PIRT: variants seen among roughly 807,000 people sequenced by gnomAD.
PIRT encodes the protein phosphoinositide interacting regulator of transient receptor potential channels.
Under a neutral mutation model 7.9 loss-of-function variants are expected in PIRT, and 6 were observed. The ratio of observed to expected loss-of-function variants is 0.76; its 90% confidence interval spans 0.42 to 1.51. PIRT has a LOEUF of 1.51. PIRT is among the 40% of genes most tolerant of loss of function. PIRT has a pLI of 0.01. For synonymous variants in PIRT, 78 were observed against 71.8 expected (o/e 1.09, Z -0.44); for missense variants, 170 against 172.9 (o/e 0.98, Z 0.09).
In PIRT at chr17:10,823,439, C is replaced by A. The variant is rs1476538814; in HGVS notation, c.*1793G>T. On this transcript the variant is annotated 3_prime_UTR_variant, in exon 2 of 2. Transcript: ENST00000580256. Reference sequence around the variant, plus strand: ...AAGTGCTTTCCTCCATGGATTTTCTCACAATGCAGAAGGAACAAGGATGGA... The same window carrying A: ...AAGTGCTTTCCTCCATGGATTTTCTAACAATGCAGAAGGAACAAGGATGGA... 1 of 152,272 alleles carries A rather than the reference C, an allele frequency of 6.6e-6. No individual in the cohort carries two copies. Among genetic ancestry groups the A allele is most frequent in the Non-Finnish European group, 1.5e-5 (1 of 68,078 alleles). The allele number at this position is 152,272 out of a possible 1,614,324, so 9.4% of individuals were successfully genotyped here. A position where few individuals can be genotyped will look rare whatever the true frequency, so the allele number is the denominator to read the frequency against.
chr17:10,831,218 T>A lies in PIRT; in HGVS notation c.-138-5435A>T, dbSNP rs931423298. 1.2e-4 allele frequency among the ~76,000 whole-genome samples: 18 copies of A among 152,284 alleles called. 1 individual carries two copies. Among genetic ancestry groups the A allele is most frequent in the Admixed American group, 8.5e-4 (13 of 15,294 alleles). Reference sequence around the variant, plus strand: ...GGGCTGGTCCAGTGAGAACCACCCTTTTCCGCTTCAATTAAGTTACTGGTA... The same window carrying A: ...GGGCTGGTCCAGTGAGAACCACCCTATTCCGCTTCAATTAAGTTACTGGTA... On this transcript the variant is annotated intron_variant, in intron 1 of 1. Coordinates refer to ENST00000580256, the MANE Select transcript of PIRT (RefSeq NM_001101387.2).
intron 1 of PIRT, among the ~76,000 whole-genome samples, chr17:10,834,474 T>G (rs1274039086): frequency 6.6e-6 from 1 of 152,200 alleles, no homozygotes; most frequent in East Asian, 1.9e-4. Context: ...AGGAACCAAC[T>G]GGAATATACA....
intron 1 of PIRT, among the ~76,000 whole-genome samples, chr17:10,829,630 C>T (rs773336346): frequency 2.0e-5 from 3 of 152,144 alleles, no homozygotes; most frequent in Non-Finnish European, 4.4e-5. Flanking sequence ...CCAAAGGTTC[C>T]TCAACTACAA....
At chr17:10,829,961 G>GTCTGTCTA (rs1323888905) in intron 1 of PIRT, among the ~76,000 whole-genome samples, 2 of 140,352 alleles carry the variant, frequency 1.4e-5, no homozygotes, top group African/African-American at 2.7e-5. Flanking sequence ...GTAGATGTCT[G>GTCTGTCTA]TCTGTCTATC....
chr17:10,824,185 C>T lies in PIRT; in HGVS notation c.*1047G>A, dbSNP rs1241986416. 1 of 152,216 alleles carries T rather than the reference C, an allele frequency of 6.6e-6. No homozygotes were observed. Among genetic ancestry groups the T allele is most frequent in the Non-Finnish European group, 1.5e-5 (1 of 68,044 alleles). 9.4% of individuals were successfully genotyped at this position (152,216 alleles called of 1,614,324 possible). A position where few individuals can be genotyped will look rare whatever the true frequency, so the allele number is the denominator to read the frequency against. ...AGCAAGAAGACATCAGGGACCGTGTCTTGCCCCCAGCCAGGGCTTATCCCA... is the reference window on the plus strand; with the variant it reads ...AGCAAGAAGACATCAGGGACCGTGTTTTGCCCCCAGCCAGGGCTTATCCCA... On this transcript the variant is annotated 3_prime_UTR_variant, in exon 2 of 2. Transcript: ENST00000580256.
At chr17:10,836,331 C>T (rs559773223) in intron 1 of PIRT, among the ~76,000 whole-genome samples, 2 of 152,294 alleles carry the variant, frequency 1.3e-5, no homozygotes, top group South Asian at 2.1e-4. Flanking sequence ...ACTCACTCCC[C>T]AGCCTTTTCC....
intron 1 of PIRT, among the ~76,000 whole-genome samples, chr17:10,827,562 C>T (rs946334244): frequency 6.8e-6 from 1 of 146,470 alleles, no homozygotes; most frequent in African/African-American, 2.6e-5. Context: ...GCAACCTCCG[C>T]CTCCCAGGTT....
rs1319945032 is a variant in PIRT at position 10,825,601 on chromosome 17, C to G, written c.45G>C (p.Lys15Asn). ...GCAGCAGGTCCTTGGCTTCTGGAGA[C>G]TTCTCATCGACCTCTAGAACCTTGG... Reference protein sequence around the residue: ...TLPKVLEVDEKSPEAKDLLPS... With the variant: ...TLPKVLEVDENSPEAKDLLPS... The change falls in exon 2 of 2, where the codon AAG (lysine) becomes AAC (asparagine). Residue 15 changes from lysine to asparagine, a missense_variant. Lys to Asn is a moderately conservative substitution (Grantham distance 94). Transcript: ENST00000580256. 5.8e-6 allele frequency: 9 copies of G among 1,547,072 alleles called. No individual in the cohort carries two copies. Among genetic ancestry groups the G allele is most frequent in the Non-Finnish European group, 7.9e-6 (9 of 1,145,504 alleles).
chr17:10,827,272 C>T (rs573797934), intron 1 of PIRT, among the ~76,000 whole-genome samples: 12 of 152,274 alleles, frequency 7.9e-5, no homozygotes, highest in African/African-American at 2.4e-4. Context: ...ATCTGCATAG[C>T]TCTCAGCCAC....
chr17:10,825,968 T>G (rs1905304386), intron 1 of PIRT, among the ~76,000 whole-genome samples, 185 bp from the exon 2 acceptor site: 1 of 151,970 alleles, frequency 6.6e-6, no homozygotes, highest in East Asian at 1.9e-4. Context: ...GTTTGTTTGC[T>G]TGTTTTTTTT....
chr17:10,824,875 G>A lies in PIRT; in HGVS notation c.*357C>T, dbSNP rs1399957283. 4.1e-6 allele frequency: 1 copy of A among 245,912 alleles called. No homozygotes were observed. Among genetic ancestry groups the A allele is most frequent in the Non-Finnish European group, 7.9e-6 (1 of 126,952 alleles). The allele number at this position is 245,912 out of a possible 1,614,324, so 15.2% of individuals were successfully genotyped here. A position where few individuals can be genotyped will look rare whatever the true frequency, so the allele number is the denominator to read the frequency against. On this transcript the variant is annotated 3_prime_UTR_variant, in exon 2 of 2. Coordinates refer to ENST00000580256, the MANE Select transcript of PIRT (RefSeq NM_001101387.2). ...CTCTGGCACTCAGATATGTAAACAT[G>A]AGGTTCTCCCTTGGGCATAGCCCAC...
At position 10,824,904 on chromosome 17, in the gene PIRT, C is replaced by T. The variant is rs752716380; in HGVS notation, c.*328G>A. On this transcript the variant is annotated 3_prime_UTR_variant, in exon 2 of 2. Coordinates refer to ENST00000580256, the MANE Select transcript of PIRT (RefSeq NM_001101387.2). ...TTCTCCCTTGGGCATAGCCCACCTT[C>T]GAAGAATTTCCCAGCATGCATTGCA... 1.6e-5 allele frequency: 5 copies of T among 311,394 alleles called. No individual in the cohort carries two copies. Among genetic ancestry groups the T allele is most frequent in the African/African-American group, 2.1e-5 (1 of 47,618 alleles). The allele number at this position is 311,394 out of a possible 1,614,324, so 19.3% of individuals were successfully genotyped here.
rs1420221025 is a variant in PIRT at position 10,825,318 on chromosome 17, A to C, written c.328T>G (p.Trp110Gly). Residue 110 changes from tryptophan (W) to glycine (G), a missense_variant, in exon 2 of 2, where the codon TGG (tryptophan) becomes GGG (glycine). By Grantham distance (184) the Trp-to-Gly change is radical. Transcript: ENST00000580256. ...GLMMLVCGLV[W>G]VPIIKKKQKH... is the part of the protein sequence containing the mutation. ...TGTTTCTTTTTGATGATGGGCACCC[A>C]CACCAGCCCGCACACCAGCATCATG... is the stretch of plus-strand genomic sequence containing the variant. 1.2e-6 allele frequency: 2 copies of C among 1,613,964 alleles called. No individual in the cohort carries two copies. The highest frequency in any genetic ancestry group is 1.7e-6 in the Non-Finnish European group (2 of 1,179,876).
Position 10,837,965 on chromosome 17 carries a change from A to C in PIRT, c.-159T>G, listed in dbSNP as rs1905632948. ...CTTACTGTCCTCGATGTCCCAGGGG[A>C]GGATGGGGGACCTGGGAATCACTTG... On this transcript the variant is annotated 5_prime_UTR_variant, in exon 1 of 2. Transcript: ENST00000580256. The C allele has an allele frequency of 6.6e-6, 1 of 152,184 alleles. No homozygotes were observed. Among genetic ancestry groups the C allele is most frequent in the Non-Finnish European group, 1.5e-5 (1 of 68,080 alleles). The allele number at this position is 152,184 out of a possible 1,614,324, so 9.4% of individuals were successfully genotyped here. A position where few individuals can be genotyped will look rare whatever the true frequency, so the allele number is the denominator to read the frequency against.
At chr17:10,831,564 G>A (rs963477048) in intron 1 of PIRT, among the ~76,000 whole-genome samples, 23 of 152,102 alleles carry the variant, frequency 1.5e-4, no homozygotes, top group Admixed American at 8.5e-4. Flanking sequence ...CTGGGAGAGA[G>A]GCAAGGAGTG....
chr17:10,826,282 G>A (rs1265826911), intron 1 of PIRT, among the ~76,000 whole-genome samples: 3 of 152,134 alleles, frequency 2.0e-5, no homozygotes, highest in Non-Finnish European at 4.4e-5. Flanking sequence ...TTTGTTGAAT[G>A]GCATTTTATT....
chr17:10,837,114 C>T (rs1200526747), intron 1 of PIRT, among the ~76,000 whole-genome samples: 2 of 152,206 alleles, frequency 1.3e-5, no homozygotes, highest in Non-Finnish European at 2.9e-5. Flanking sequence ...CTGTCACCTG[C>T]TCATAGCGCT....
intron 1 of PIRT, among the ~76,000 whole-genome samples, chr17:10,829,965 GTCTA>G (rs10561822): frequency 0.26 from 38,589 of 149,406 alleles, 5,108 homozygotes; most frequent in Middle Eastern, 0.32. Flanking sequence ...ATGTCTGTCT[GTCTA>G]TCTATCTATC....
In PIRT at chr17:10,825,274, C is replaced by T. The variant is rs139070814; in HGVS notation, c.372G>A (p.Ser124=). The change falls in exon 2 of 2, where the codon TCG becomes TCA. Residue 124 remains serine, a synonymous_variant. Transcript: ENST00000580256. ...AGGACTTGAGGCTGCGTAAGAAATT[C>T]GACTTCTGTCTGTGCTTCTGTTTCT... ...IKKKQKHRQK[S]NFLRSLKSFF... The T allele has an allele frequency of 2.8e-3, 4,493 of 1,613,960 alleles. 6 individuals are homozygous for T. Among genetic ancestry groups the T allele is most frequent in the Non-Finnish European group, 3.5e-3 (4,163 of 1,179,878 alleles).
Sources: gnomAD v4.1 joint callset for allele counts (sites outside exome capture counted in the v4.1 genomes callset) on GRCh38, gnomAD v4.1.1 for gene constraint, MANE v1.5 for transcripts, NCBI Gene and HGNC (gene_info 2026-07-23, HGNC 2026-07-21) for gene names.